The following SUGT1 variants were observed in gnomAD, a reference collection of about 807,000 sequenced individuals.
The protein encoded by SUGT1 is protein SGT1 homolog.
In SUGT1, 15 loss-of-function variants were observed where a neutral mutation model predicts 56.1. The ratio of observed to expected loss-of-function variants is 0.27; its 90% CI spans 0.18 to 0.41. SUGT1 has a LOEUF of 0.41. Ranked by LOEUF, SUGT1 falls within the 10% of genes least tolerant of loss-of-function variation. The pLI is 1.00. For synonymous variants in SUGT1, 123 were observed against 128.6 expected (o/e 0.96, Z 0.30); for missense variants, 347 against 382.2 (o/e 0.91, Z 0.77).
intron 11 of SUGT1, 105 bp downstream of exon 11, chr13:52,676,425 A>G: frequency 1.1e-6 from 1 of 948,328 alleles, no homozygotes; most frequent in Non-Finnish European, 1.5e-6. Context: ...TGTTCTCAAG[A>G]TAAGATACAT....
intron 10 of SUGT1, among the ~76,000 whole-genome samples, chr13:52,674,647 C>G (rs1268394228): frequency 1.3e-5 from 2 of 152,156 alleles, no homozygotes; most frequent in Admixed American, 1.3e-4. Context: ...GAATAGACTT[C>G]TTTTTTTAAG....
intron 8 of SUGT1, among the ~76,000 whole-genome samples, chr13:52,664,987 T>A (rs1262026795): frequency 6.6e-6 from 1 of 152,190 alleles, no homozygotes; most frequent in East Asian, 1.9e-4. Context: ...TTCTAGAGCT[T>A]TCAGTACAAA....
At chr13:52,664,007 A>G in intron 7 of SUGT1, 28 bp from the exon 8 acceptor site, 4 of 1,611,656 alleles carry the variant, frequency 2.5e-6, no homozygotes, top group Non-Finnish European at 3.4e-6. Context: ...TTTCTCTTTC[A>G]ACTTACCAAA....
At chr13:52,658,896 A>G (rs1962292353) in intron 4 of SUGT1, among the ~76,000 whole-genome samples, 1 of 152,068 alleles carries the variant, frequency 6.6e-6, no homozygotes, top group African/African-American at 2.4e-5. Context: ...AAGTATAACT[A>G]TTCTTTAAGA....
chr13:52,678,681 GTTTTT>G (rs11325152), intron 11 of SUGT1, among the ~76,000 whole-genome samples: 1 of 141,754 alleles, frequency 7.1e-6, no homozygotes, highest in African/African-American at 2.6e-5. Flanking sequence ...TTTTTTGTTG[GTTTTT>G]TTTTTTTTTT....
At chr13:52,687,216 G>A (rs1963631029) in intron 12 of SUGT1, 3 of 151,756 alleles carry the variant, frequency 2.0e-5, no homozygotes, top group Admixed American at 2.0e-4. Context: ...TTCTATACCT[G>A]CATTTATGTA....
chr13:52,675,773 T>G (rs1369163498), intron 10 of SUGT1, among the ~76,000 whole-genome samples: 1 of 152,230 alleles, frequency 6.6e-6, no homozygotes, highest in Non-Finnish European at 1.5e-5. Context: ...GAATCAGATT[T>G]CTCTGTAATG....
rs1022502034 is a variant in SUGT1, at chr13:52,691,722, T to C, written c.*3887T>C. 2 of 152,166 alleles carry C rather than the reference T, an allele frequency of 1.3e-5. No individual in the cohort carries two copies. Among genetic ancestry groups the C allele is most frequent in the East Asian group, 3.9e-4 (2 of 5,194 alleles). 9.4% of individuals were successfully genotyped at this position (152,166 alleles called of 1,614,324 possible). ...ACCTGCTACTGTAACCATATGACAGTATGGATTTAAGTTATTTCTGCCTAG... is the reference window on the plus strand; with the variant it reads ...ACCTGCTACTGTAACCATATGACAGCATGGATTTAAGTTATTTCTGCCTAG... On this transcript the variant is annotated 3_prime_UTR_variant, in exon 13 of 13. Coordinates refer to ENST00000310528, the MANE Select transcript of SUGT1 (RefSeq NM_006704.5).
rs1335286266 is a variant in SUGT1, at chr13:52,695,332, A to G, written c.*7497A>G. The G allele has an allele frequency of 6.6e-6, 1 of 152,156 alleles. No individual in the cohort carries two copies. Among genetic ancestry groups the G allele is most frequent in the African/African-American group, 2.4e-5 (1 of 41,438 alleles). The allele number at this position is 152,156 out of a possible 1,614,324, so 9.4% of individuals were successfully genotyped here. ...AAAAATTATACTTCACCACAGAGAC[A>G]GGTGTTGTTTTGTAATGGAAGGAGT... On this transcript the variant is annotated 3_prime_UTR_variant, in exon 13 of 13. Transcript: ENST00000310528.
chr13:52,652,935 A>G lies in SUGT1; in HGVS notation c.15A>G (p.Ala5=). Residue 5 remains alanine, a synonymous_variant, in exon 1 of 13, where the codon GCA becomes GCG. Coordinates refer to ENST00000310528, the MANE Select transcript of SUGT1 (RefSeq NM_006704.5). ...GACTACGAGGGATGGCGGCGGCTGC[A>G]GCAGGAACTGCAACATCCCAGAGGT... MAAA[A]AGTATSQRFF... The G allele has an allele frequency of 2.5e-6, 4 of 1,614,118 alleles. No individual in the cohort carries two copies. Among genetic ancestry groups the G allele is most frequent in the Non-Finnish European group, 3.4e-6 (4 of 1,179,986 alleles).
chr13:52,680,709 A>G (rs1444066933), intron 12 of SUGT1, among the ~76,000 whole-genome samples: 1 of 152,232 alleles, frequency 6.6e-6, no homozygotes, highest in Non-Finnish European at 1.5e-5. Context: ...AGCTCTGGAA[A>G]TATGACTCTT....
Position 52,688,030 on chromosome 13 carries a change from G to T in SUGT1, c.*195G>T, listed in dbSNP as rs988424357. 2.5e-6 allele frequency: 1 copy of T among 404,338 alleles called. No homozygotes were observed. The highest frequency in any genetic ancestry group is 4.4e-6 in the Non-Finnish European group (1 of 229,288). 25.0% of individuals were successfully genotyped at this position (404,338 alleles called of 1,614,324 possible). On this transcript the variant is annotated 3_prime_UTR_variant, in exon 13 of 13. Transcript: ENST00000310528. ...ATGAAGATAACATTTTATCACTTCT[G>T]TCCTTAAAGGTTTCAGACATGGTGA...
intron 5 of SUGT1, among the ~76,000 whole-genome samples, chr13:52,662,336 G>A (rs1251085533): frequency 6.6e-6 from 1 of 152,196 alleles, no homozygotes; most frequent in African/African-American, 2.4e-5. Flanking sequence ...TTTGTTCTGT[G>A]TGTGAGGAAG....
intron 8 of SUGT1, 38 bp from the exon 9 acceptor site, chr13:52,665,599 T>C (rs1215146292): frequency 2.0e-6 from 3 of 1,470,426 alleles, no homozygotes; most frequent in Non-Finnish European, 2.8e-6. Flanking sequence ...TTAAAAAAAT[T>C]AGAAGAGTTA....
intron 11 of SUGT1, among the ~76,000 whole-genome samples, chr13:52,677,373 A>G (rs1039278601): frequency 3.3e-5 from 5 of 152,224 alleles, no homozygotes; most frequent in African/African-American, 1.2e-4. Flanking sequence ...ATTAACACCA[A>G]CAGATACTTT....
At chr13:52,687,378 A>G in intron 12 of SUGT1, 1 of 153,280 alleles carries the variant, frequency 6.5e-6, no homozygotes, top group Admixed American at 6.5e-5. Context: ...TATAATAATC[A>G]TTTTTTTTGG....
chr13:52,698,958 G>C lies in SUGT1; in HGVS notation c.*11123G>C, dbSNP rs1011151279. On this transcript the variant is annotated 3_prime_UTR_variant, in exon 13 of 13. Transcript: ENST00000310528. ...GGTCCAGTAAATCTTTGTTTTGAATGAACTGATGGTTTTGAAGCAGGTGAC... is the reference window on the plus strand; with the variant it reads ...GGTCCAGTAAATCTTTGTTTTGAATCAACTGATGGTTTTGAAGCAGGTGAC... 1.3e-5 allele frequency: 2 copies of C among 152,194 alleles called. No individual in the cohort carries two copies. Among genetic ancestry groups the C allele is most frequent in the African/African-American group, 4.8e-5 (2 of 41,446 alleles). The allele number at this position is 152,194 out of a possible 1,614,324, so 9.4% of individuals were successfully genotyped here.
At chr13:52,679,896 C>T in intron 11 of SUGT1, 78 bp from the exon 12 acceptor site, 1 of 1,398,288 alleles carries the variant, frequency 7.2e-7, no homozygotes, top group Non-Finnish European at 9.5e-7. Flanking sequence ...GTTCCATATA[C>T]ATGGTCACAA....
chr13:52,674,649 T>G lies in SUGT1; in HGVS notation c.628-1581T>G, dbSNP rs1963072076. 2.6e-5 allele frequency among the ~76,000 whole-genome samples: 4 copies of G among 152,212 alleles called. No individual in the cohort carries two copies. The South Asian group carries it at 8.3e-4, about 32-fold the overall frequency. On this transcript the variant is annotated intron_variant, in intron 10 of 12. Coordinates refer to ENST00000310528, the MANE Select transcript of SUGT1 (RefSeq NM_006704.5). ...AGAACCAAAGGGTGAATAGACTTCTTTTTTTAAGTCTGCCTTTTGATTTTT... is the reference window on the plus strand; with the variant it reads ...AGAACCAAAGGGTGAATAGACTTCTGTTTTTAAGTCTGCCTTTTGATTTTT...
Sources: gnomAD v4.1 joint callset for allele counts (sites outside exome capture counted in the v4.1 genomes callset) on GRCh38, gnomAD v4.1.1 for gene constraint, MANE v1.5 for transcripts, NCBI Gene and HGNC (gene_info 2026-07-23, HGNC 2026-07-21) for gene names.